Variants in MACROD2 observed in about 807,000 individuals in gnomAD.
MACROD2 encodes the protein mono-ADP ribosylhydrolase 2.
A neutral mutation model predicts 70.4 loss-of-function variants in MACROD2; 36 were observed. The observed-to-expected ratio is 0.51, with a 90% CI of 0.39 to 0.68. MACROD2 has a LOEUF of 0.68. Among genes scored for constraint, MACROD2 ranks in the 30% least tolerant of loss-of-function variants. The pLI, the probability that MACROD2 is intolerant of heterozygous loss-of-function variation, is 0.00. For synonymous variants in MACROD2, 172 were observed against 178.8 expected, an observed-to-expected ratio of 0.96 and a Z score of 0.30; for missense variants, 496 against 538.4, an observed-to-expected ratio of 0.92 and a Z score of 0.78.
chr20:14,909,306 C>T (rs1568868486), intron 5 of MACROD2, among the ~76,000 whole-genome samples: 1 of 152,038 alleles, frequency 6.6e-6, no homozygotes, highest in Non-Finnish European at 1.5e-5. Flanking sequence ...GGCTTCGAAT[C>T]TGGTTAAGTG....
At chr20:15,623,267 TA>T (rs2146734250) in intron 8 of MACROD2, among the ~76,000 whole-genome samples, 1 of 152,394 alleles carries the variant, frequency 6.6e-6, no homozygotes, top group African/African-American at 2.4e-5. Context: ...TAGCAATCAC[TA>T]ACTTTGTTAC....
At chr20:15,560,627 G>A (rs1181606902) in intron 8 of MACROD2, among the ~76,000 whole-genome samples, 1 of 151,866 alleles carries the variant, frequency 6.6e-6, no homozygotes, top group African/African-American at 2.4e-5. Context: ...GCCAGTCATG[G>A]TGGTGTGTGC....
intron 4 of MACROD2, among the ~76,000 whole-genome samples, chr20:14,633,323 C>CGGTA (rs1358229466): frequency 1.3e-5 from 2 of 152,146 alleles, no homozygotes; most frequent in Non-Finnish European, 2.9e-5. Context: ...TTTCCACAGA[C>CGGTA]GGTAACATTT....
At chr20:15,742,130 T>G (rs2051114815) in intron 8 of MACROD2, among the ~76,000 whole-genome samples, 2 of 152,202 alleles carry the variant, frequency 1.3e-5, no homozygotes, top group African/African-American at 4.8e-5. Context: ...ATTTTCTTTA[T>G]AGTATAAATA....
At chr20:15,584,642 C>T (rs1235040345) in intron 8 of MACROD2, among the ~76,000 whole-genome samples, 2 of 152,340 alleles carry the variant, frequency 1.3e-5, no homozygotes, top group East Asian at 3.9e-4. Context: ...AGCGTCACAT[C>T]AGACACACAC....
chr20:15,290,070 G>T (rs978628583), intron 6 of MACROD2, among the ~76,000 whole-genome samples: 1 of 152,146 alleles, frequency 6.6e-6, no homozygotes, highest in Non-Finnish European at 1.5e-5. Flanking sequence ...CAAGAAGCCA[G>T]AATCACAGGA....
chr20:14,592,288 G>T (rs961822346), intron 4 of MACROD2, among the ~76,000 whole-genome samples: 9 of 152,162 alleles, frequency 5.9e-5, no homozygotes, highest in Admixed American at 5.9e-4. Flanking sequence ...AAGCTAGATT[G>T]GAAGAAGCAG....
chr20:14,707,384 C>A (rs2123653738), intron 5 of MACROD2, among the ~76,000 whole-genome samples: 1 of 152,250 alleles, frequency 6.6e-6, no homozygotes. Context: ...TACATCTTAA[C>A]CTTTTCATAG....
chr20:15,898,549 TAAAA>T (rs10678216), intron 10 of MACROD2, among the ~76,000 whole-genome samples: 1 of 94,528 alleles, frequency 1.1e-5, no homozygotes, highest in Non-Finnish European at 1.9e-5. Flanking sequence ...AGACTCAGTC[TAAAA>T]AAAAAAAAAA....
chr20:14,220,394 C>T (rs114439419), intron 3 of MACROD2, among the ~76,000 whole-genome samples: 1,664 of 152,272 alleles, frequency 0.011, 31 homozygotes, highest in African/African-American at 0.037. Context: ...CCTCCCAACA[C>T]CCTCCAGAGC....
At chr20:14,256,584 C>A (rs1446562185) in intron 3 of MACROD2, among the ~76,000 whole-genome samples, 6 of 152,012 alleles carry the variant, frequency 3.9e-5, no homozygotes, top group Admixed American at 1.3e-4. Context: ...ACCTTAATGC[C>A]ATCAAAACTT....
intron 8 of MACROD2, among the ~76,000 whole-genome samples, chr20:15,833,355 C>T (rs1366694772): frequency 1.3e-5 from 2 of 152,188 alleles, no homozygotes; most frequent in African/African-American, 2.4e-5. Flanking sequence ...CTACACTGTA[C>T]TTCATTAATG....
chr20:15,249,691 C>A (rs953774174), intron 6 of MACROD2, among the ~76,000 whole-genome samples: 2 of 152,236 alleles, frequency 1.3e-5, no homozygotes, highest in African/African-American at 4.8e-5. Context: ...AAAATTAGAT[C>A]ATGCAACGTT....
At chr20:15,113,759 TTGAAGTGTGTGTGTG>T (rs1212591092) in intron 5 of MACROD2, among the ~76,000 whole-genome samples, 11 of 134,460 alleles carry the variant, frequency 8.2e-5, no homozygotes. Context: ...TTGTGTAGTC[TTGAAGTGTGTGTGTG>T]TGTGTGTGTG....
chr20:15,464,840 G>A (rs910686686), intron 7 of MACROD2, among the ~76,000 whole-genome samples: 1 of 152,046 alleles, frequency 6.6e-6, no homozygotes, highest in South Asian at 2.1e-4. Context: ...TGGGCTTTTT[G>A]AGGTGAGGAT....
intron 5 of MACROD2, among the ~76,000 whole-genome samples, chr20:15,202,953 A>T (rs2076669340): frequency 6.6e-6 from 1 of 152,170 alleles, no homozygotes; most frequent in East Asian, 1.9e-4. Flanking sequence ...GTAACATTTT[A>T]TTCCTGGCAA....
intron 5 of MACROD2, among the ~76,000 whole-genome samples, chr20:14,793,054 T>C (rs2123804763): frequency 6.6e-6 from 1 of 152,120 alleles, no homozygotes; most frequent in South Asian, 2.1e-4. Context: ...AATACAAAGG[T>C]AAATAAGAGG....
At chr20:14,143,625 T>G (rs2054905829) in intron 3 of MACROD2, among the ~76,000 whole-genome samples, 1 of 152,320 alleles carries the variant, frequency 6.6e-6, no homozygotes, top group South Asian at 2.1e-4. Context: ...TCTGACCATT[T>G]TCTTTAATTG....
intron 4 of MACROD2, among the ~76,000 whole-genome samples, chr20:14,642,884 G>A (rs1030266509): frequency 6.6e-6 from 1 of 151,728 alleles, no homozygotes; most frequent in African/African-American, 2.4e-5. Flanking sequence ...ATATACTGTT[G>A]GAAAAAGTGG....
Sources: allele counts gnomAD v4.1 joint callset (sites outside exome capture counted in the v4.1 genomes callset), GRCh38; gene constraint gnomAD v4.1.1; transcripts MANE v1.5; gene names NCBI Gene and HGNC (gene_info 2026-07-23, HGNC 2026-07-21).